CDH13: variants seen among roughly 807,000 people sequenced by gnomAD.
CDH13 encodes the protein cadherin-13.
In CDH13, 24 loss-of-function variants were observed where a neutral mutation model predicts 63.8. The ratio of observed to expected loss-of-function variants is 0.38; its 90% CI spans 0.27 to 0.53. The LOEUF (loss-of-function observed/expected upper bound fraction) is 0.53, where lower values mean the gene tolerates loss of function less well. Ranked by LOEUF, CDH13 falls within the 20% of genes least tolerant of loss-of-function variation. The pLI is 0.85. For synonymous variants in CDH13, 503 were observed against 355.3 expected (o/e 1.42, Z -4.67); for missense variants, 1,049 against 903.1 (o/e 1.16, Z -2.07).
chr16:82,829,016 G>A (rs1445134523), intron 1 of CDH13, among the ~76,000 whole-genome samples: 1 of 152,052 alleles, frequency 6.6e-6, no homozygotes, highest in Non-Finnish European at 1.5e-5. Flanking sequence ...AGAGCGATGG[G>A]TTTTAGAAAA....
Position 83,157,543 on chromosome 16 carries a change from C to G in CDH13, c.483+32042C>G, listed in dbSNP as rs984840060. 1.4e-4 allele frequency among the ~76,000 whole-genome samples: 21 copies of G among 152,084 alleles called. 1 individual carries two copies. Among genetic ancestry groups the G allele is most frequent in the African/African-American group, 4.6e-4 (19 of 41,418 alleles). ...CATCATTTAAGGGAACTAGAGCTTT[C>G]TTTTTATGGAAACGCAAAAGGACCT... On this transcript the variant is annotated intron_variant, in intron 4 of 13. Coordinates refer to ENST00000567109, the MANE Select transcript of CDH13 (RefSeq NM_001257.5).
intron 6 of CDH13, among the ~76,000 whole-genome samples, chr16:83,372,274 A>G (rs887368407): frequency 4.6e-5 from 7 of 152,200 alleles, no homozygotes; most frequent in African/African-American, 1.7e-4. Context: ...TGAAGCAGAG[A>G]TTCAAATTCC....
chr16:83,014,333 A>C (rs1017473954), intron 2 of CDH13, among the ~76,000 whole-genome samples: 2 of 151,668 alleles, frequency 1.3e-5, no homozygotes, highest in Non-Finnish European at 2.9e-5. Flanking sequence ...AAAAAAAAAA[A>C]AAAAAAAAAA....
chr16:83,510,587 T>G (rs769783470), intron 7 of CDH13, among the ~76,000 whole-genome samples: 7 of 152,198 alleles, frequency 4.6e-5, no homozygotes, highest in Non-Finnish European at 7.4e-5. Context: ...GCTGCAGTAG[T>G]TGTGAAATCC....
At chr16:83,474,585 A>G (rs2073552189) in intron 6 of CDH13, among the ~76,000 whole-genome samples, 1 of 152,224 alleles carries the variant, frequency 6.6e-6, no homozygotes, top group East Asian at 1.9e-4. Context: ...CCCACCAGAA[A>G]AAACAAGAGG....
intron 4 of CDH13, among the ~76,000 whole-genome samples, chr16:83,162,476 G>C (rs372529379): frequency 6.6e-6 from 1 of 152,164 alleles, no homozygotes; most frequent in Non-Finnish European, 1.5e-5. Flanking sequence ...GTAAATGATA[G>C]AGCTGAAAAT....
intron 8 of CDH13, among the ~76,000 whole-genome samples, chr16:83,618,419 CAAAAAA>C (rs563377656): frequency 1.0e-5 from 1 of 99,064 alleles, no homozygotes; most frequent in African/African-American, 3.6e-5. Flanking sequence ...AGAGAGACTC[CAAAAAA>C]AAAAAAAAAG....
intron 4 of CDH13, among the ~76,000 whole-genome samples, chr16:83,160,897 C>T (rs763317075): frequency 2.2e-4 from 33 of 152,182 alleles, no homozygotes; most frequent in Non-Finnish European, 4.7e-4. Flanking sequence ...ATGTCTAATT[C>T]CTCCAGTACA....
chr16:82,932,417 T>A (rs887471016), intron 2 of CDH13, among the ~76,000 whole-genome samples: 1 of 152,182 alleles, frequency 6.6e-6, no homozygotes. Flanking sequence ...TGAAGAGTCA[T>A]GTGATTTTGG....
At chr16:83,522,183 A>C (rs947501156) in intron 7 of CDH13, among the ~76,000 whole-genome samples, 3 of 152,162 alleles carry the variant, frequency 2.0e-5, no homozygotes, top group Admixed American at 2.0e-4. Context: ...GTCATGTTTA[A>C]TGCCTGCTCT....
chr16:83,413,525 C>A (rs1363460721), intron 6 of CDH13, among the ~76,000 whole-genome samples: 1 of 152,128 alleles, frequency 6.6e-6, no homozygotes, highest in Non-Finnish European at 1.5e-5. Flanking sequence ...CGGTAATGTT[C>A]CCCAACTAGA....
intron 3 of CDH13, among the ~76,000 whole-genome samples, chr16:83,085,063 C>A (rs1389664206): frequency 3.9e-5 from 6 of 152,172 alleles, no homozygotes; most frequent in East Asian, 1.9e-4. Context: ...ATAGTTTTCC[C>A]CTTATATTGG....
At chr16:82,819,270 G>A (rs147268666) in intron 1 of CDH13, among the ~76,000 whole-genome samples, 1 of 152,248 alleles carries the variant, frequency 6.6e-6, no homozygotes, top group African/African-American at 2.4e-5. Context: ...AAGCATGAAG[G>A]CATATTTCAA....
intron 2 of CDH13, among the ~76,000 whole-genome samples, chr16:82,974,753 AGTCAAG>A (rs1909258153): frequency 6.6e-6 from 1 of 152,234 alleles, no homozygotes; most frequent in African/African-American, 2.4e-5. Flanking sequence ...AGGGGCCAGG[AGTCAAG>A]GAAAGTGGGC....
In CDH13 at chr16:82,635,962, T is replaced by C. The variant is rs146993050; in HGVS notation, c.45+8825T>C. Reference sequence around the variant, plus strand: ...CCTTCGCCTTCCCCTTCTGCCACGATTGTAAGTTTCCTGAGGCCTTTGCAG... The same window carrying C: ...CCTTCGCCTTCCCCTTCTGCCACGACTGTAAGTTTCCTGAGGCCTTTGCAG... On this transcript the variant is annotated intron_variant, in intron 1 of 13. Transcript: ENST00000567109. 6.0e-3 allele frequency among the ~76,000 whole-genome samples: 918 copies of C among 152,220 alleles called. 11 individuals are homozygous for C. Among genetic ancestry groups the C allele is most frequent in the African/African-American group, 0.021 (876 of 41,520 alleles).
intron 8 of CDH13, among the ~76,000 whole-genome samples, chr16:83,636,158 C>T (rs567902835): frequency 2.0e-5 from 3 of 151,786 alleles, no homozygotes; most frequent in South Asian, 2.1e-4. Flanking sequence ...CCGTGTCCTC[C>T]GTTCTGTCCC....
chr16:83,317,601 G>A (rs908488885), intron 5 of CDH13, among the ~76,000 whole-genome samples: 2 of 152,098 alleles, frequency 1.3e-5, no homozygotes, highest in Admixed American at 1.3e-4. Context: ...AGGAGTTTGA[G>A]ACCAGCCTGA....
chr16:83,149,841 G>C (rs996712312), intron 4 of CDH13, among the ~76,000 whole-genome samples: 65 of 152,288 alleles, frequency 4.3e-4, no homozygotes, highest in African/African-American at 1.5e-3. Context: ...AGTCCACCAT[G>C]ATGGTAATAT....
At chr16:83,394,051 A>G (rs939982249) in intron 6 of CDH13, among the ~76,000 whole-genome samples, 1 of 152,176 alleles carries the variant, frequency 6.6e-6, no homozygotes, top group African/African-American at 2.4e-5. Context: ...ATGAGAACAC[A>G]TGGACACAGA....
Sources: allele counts gnomAD v4.1 joint callset (sites outside exome capture counted in the v4.1 genomes callset), GRCh38; gene constraint gnomAD v4.1.1; transcripts MANE v1.5; gene names NCBI Gene and HGNC (gene_info 2026-07-23, HGNC 2026-07-21).